HADHB: variants seen among roughly 807,000 people sequenced by gnomAD.
HADHB encodes the protein hydroxyacyl-CoA dehydrogenase trifunctional multienzyme complex subunit beta, also known as trifunctional enzyme subunit beta, mitochondrial.
A neutral mutation model predicts 61.9 loss-of-function variants in HADHB; 50 were observed. The observed-to-expected ratio is 0.81, with a 90% CI of 0.64 to 1.02. The LOEUF (loss-of-function observed/expected upper bound fraction) is 1.02. Ranked by LOEUF, HADHB falls within the 50% of genes least tolerant of loss-of-function variation. HADHB has a pLI of 0.00. For synonymous variants in HADHB, 191 were observed against 201.6 expected, an observed-to-expected ratio of 0.95 and a Z score of 0.45; for missense variants, 504 against 586.5, an observed-to-expected ratio of 0.86 and a Z score of 1.45.
intron 12 of HADHB, among the ~76,000 whole-genome samples, chr2:26,283,416 C>T (rs765585764): frequency 4.0e-5 from 6 of 151,796 alleles, no homozygotes; most frequent in East Asian, 1.9e-4. Context: ...CCCAGCTACT[C>T]GGGAGGTTTT....
intron 3 of HADHB, among the ~76,000 whole-genome samples, chr2:26,262,069 G>A (rs185906400): frequency 1.2e-3 from 183 of 152,192 alleles, no homozygotes; most frequent in Non-Finnish European, 1.9e-3. Context: ...CTCCATGAAT[G>A]CTGCCAGCGT....
intron 15 of HADHB, among the ~76,000 whole-genome samples, chr2:26,287,395 C>T (rs1673079918): frequency 6.6e-6 from 1 of 152,150 alleles, no homozygotes; most frequent in Non-Finnish European, 1.5e-5. Context: ...AGAGCGATCC[C>T]TCTATCTCTT....
chr2:26,284,587 C>T (rs991013192), intron 13 of HADHB, among the ~76,000 whole-genome samples: 4 of 151,822 alleles, frequency 2.6e-5, no homozygotes, highest in Admixed American at 6.6e-5. Context: ...CTCAGCCTCC[C>T]GAGTAGCTGG....
At position 26,278,656 on chromosome 2, in the gene HADHB, C is replaced by T; in HGVS notation, c.485C>T (p.Ala162Val). The T allele has an allele frequency of 5.6e-6, 9 of 1,614,092 alleles. No individual in the cohort carries two copies. Among genetic ancestry groups the T allele is most frequent in the Non-Finnish European group, 7.6e-6 (9 of 1,179,968 alleles). The change falls in exon 8 of 16, where the codon GCA (alanine) becomes GTA (valine). Residue 162 changes from alanine (A) to valine (V), a missense_variant. Transcript: ENST00000317799. ...TCTGGCCAGTGTGATGTGATCGTGG[C>T]AGGTGGTGTTGAGTTGATGTCCGAT... ...IASGQCDVIV[A>V]GGVELMSDVP...
In HADHB at chr2:26,285,345, G is replaced by A. The variant is rs577112893; in HGVS notation, c.1225-62G>A. On this transcript the variant is annotated intron_variant, in intron 14 of 15. Transcript: ENST00000317799. ...TCTCTCTTACTTCGTAGTACTAAGA[G>A]CCTAGCTTGATTCTGATCTTAAGTA... 9 of 1,418,976 alleles carry A rather than the reference G, an allele frequency of 6.3e-6. No homozygotes were observed. The Admixed American group carries it at 1.2e-4, about 18-fold the overall frequency. 87.9% of individuals were successfully genotyped at this position (1,418,976 alleles called of 1,614,324 possible).
intron 3 of HADHB, among the ~76,000 whole-genome samples, chr2:26,258,060 G>A (rs1191930931): frequency 3.3e-5 from 5 of 152,018 alleles, no homozygotes. Flanking sequence ...AGAACTCTAG[G>A]TCTAGTGTGC....
In HADHB at chr2:26,263,497, A is replaced by G. The variant is rs1329023060; in HGVS notation, c.209+18A>G. The stretch of plus-strand genomic sequence containing the variant: ...GGCACTTCGTAAGTATGACATGATC[A>G]TATTATTTTTTTCCTTCTTTTAAGA... On this transcript the variant is annotated intron_variant, in intron 4 of 15. Transcript: ENST00000317799. The G allele has an allele frequency of 6.9e-7, 1 of 1,459,160 alleles. No individual in the cohort carries two copies. Among genetic ancestry groups the G allele is most frequent in the African/African-American group, 1.4e-5 (1 of 72,028 alleles). 90.4% of individuals were successfully genotyped at this position (1,459,160 alleles called of 1,614,324 possible).
At chr2:26,273,517 TAAAG>T in intron 5 of HADHB, 130 bp from the exon 6 acceptor site, 1 of 675,822 alleles carries the variant, frequency 1.5e-6, no homozygotes. Context: ...CTTGTCAAAT[TAAAG>T]AAAAGATACA....
chr2:26,248,571 T>C (rs373282506), intron 1 of HADHB, among the ~76,000 whole-genome samples: 1 of 152,248 alleles, frequency 6.6e-6, no homozygotes, highest in African/African-American at 2.4e-5. Flanking sequence ...AATTCACATT[T>C]TAAATTCTGA....
chr2:26,280,192 T>C, intron 10 of HADHB, 77 bp downstream of exon 10: 1 of 1,180,654 alleles, frequency 8.5e-7, no homozygotes. Context: ...TAATATAACT[T>C]TTTGTGTGTG....
In HADHB at chr2:26,283,065, T is replaced by G. The variant is rs369697447; in HGVS notation, c.1061+14T>G. The stretch of plus-strand genomic sequence containing the variant: ...ACTATTACTTGGGTAGGTAGCAGTT[T>G]GTATCCTTGGACTATAATCACAAGT... On this transcript the variant is annotated intron_variant, in intron 12 of 15. Coordinates refer to ENST00000317799, the MANE Select transcript of HADHB (RefSeq NM_000183.3). 6.4e-7 allele frequency: 1 copy of G among 1,564,988 alleles called. No homozygotes were observed.
rs112285288 is a variant in HADHB, at chr2:26,284,322, A to G, written c.1149+118A>G. 3.9e-3 allele frequency: 2,947 copies of G among 763,758 alleles called. 61 individuals carry two copies. The African/African-American group carries it at 0.043, about 11-fold the overall frequency. 47.3% of individuals were successfully genotyped at this position (763,758 alleles called of 1,614,324 possible). A position where few individuals can be genotyped will look rare whatever the true frequency, so the allele number is the denominator to read the frequency against. ...GAGTAGAGCAGGAGTGGACCTGCAT[A>G]TTTTAAGTACTGATTCACACTGCTG... On this transcript the variant is annotated intron_variant, in intron 13 of 15. Transcript: ENST00000317799.
chr2:26,272,227 G>A lies in HADHB; in HGVS notation c.255-1424G>A, dbSNP rs6759174. On this transcript the variant is annotated intron_variant, in intron 5 of 15. Coordinates refer to ENST00000317799, the MANE Select transcript of HADHB (RefSeq NM_000183.3). ...TGTGCCTTTTGTTTTTTAGTATAAT[G>A]CTGGTTGTTGATATATAATTTGCAT... Among the ~76,000 whole-genome samples, 957 of 152,188 alleles carry A rather than the reference G, an allele frequency of 6.3e-3. 8 individuals carry two copies. The highest frequency in any genetic ancestry group is 0.022 in the African/African-American group (895 of 41,516).
chr2:26,276,297 C>A (rs916884031), intron 6 of HADHB, among the ~76,000 whole-genome samples: 8 of 152,172 alleles, frequency 5.3e-5, no homozygotes, highest in African/African-American at 1.9e-4. Flanking sequence ...AAATTATTCT[C>A]TTTGTATCAC....
chr2:26,267,310 T>G (rs1672127453), intron 4 of HADHB, among the ~76,000 whole-genome samples: 1 of 152,014 alleles, frequency 6.6e-6, no homozygotes, highest in African/African-American at 2.4e-5. Context: ...CAAGGAGAAC[T>G]TGTAGTGCCG....
chr2:26,287,016 C>CA (rs1343641993), intron 15 of HADHB, among the ~76,000 whole-genome samples: 1 of 151,500 alleles, frequency 6.6e-6, no homozygotes, highest in Admixed American at 6.6e-5. Context: ...CCAGCCTGGC[C>CA]AACATGGTGA....
rs149644390 is a variant in HADHB at position 26,283,553 on chromosome 2, G to A, written c.1061+502G>A. Among the ~76,000 whole-genome samples, 3 of 152,066 alleles carry A rather than the reference G, an allele frequency of 2.0e-5. No homozygotes were observed. The East Asian group carries it at 5.8e-4, about 29-fold the overall frequency. ...AAATAAATAAATAAATAAAATAGTA[G>A]TAATCCTTTCCATTGGTATATCATG... On this transcript the variant is annotated intron_variant, in intron 12 of 15. Coordinates refer to ENST00000317799, the MANE Select transcript of HADHB (RefSeq NM_000183.3).
chr2:26,284,480 G>A (rs1412221940), intron 13 of HADHB, among the ~76,000 whole-genome samples: 3 of 106,222 alleles, frequency 2.8e-5, no homozygotes, highest in African/African-American at 1.1e-4. Context: ...TTTTTTTTTT[G>A]GAGACAGAGT....
At chr2:26,261,352 A>G (rs1671858733) in intron 3 of HADHB, 2 of 293,382 alleles carry the variant, frequency 6.8e-6, no homozygotes, top group Non-Finnish European at 1.3e-5. Flanking sequence ...TCTGTATTCT[A>G]AGCTTCAATA....
Sources: gnomAD v4.1 joint callset for allele counts (sites outside exome capture counted in the v4.1 genomes callset) on GRCh38, gnomAD v4.1.1 for gene constraint, MANE v1.5 for transcripts, NCBI Gene and HGNC (gene_info 2026-07-23, HGNC 2026-07-21) for gene names.